Variants in VWA8 observed in about 807,000 individuals in gnomAD.
VWA8 encodes the protein von Willebrand factor A domain containing 8.
A neutral mutation model predicts 241.5 loss-of-function variants in VWA8; 221 were observed. The observed-to-expected ratio is 0.91, with a 90% CI of 0.82 to 1.02. The LOEUF (loss-of-function observed/expected upper bound fraction) is 1.02, where lower values mean the gene tolerates loss of function less well. Ranked by LOEUF, VWA8 falls within the 50% of genes least tolerant of loss-of-function variation. VWA8 has a pLI of 0.00. For missense variants in VWA8, 2,322 were observed against 2,328.7 expected, an observed-to-expected ratio of 1.00 and a Z score of 0.06; for synonymous variants, 852 against 827.1, an observed-to-expected ratio of 1.03 and a Z score of -0.52.
Position 41,778,032 on chromosome 13 carries a change from G to A in VWA8, c.2302C>T (p.Leu768=). ...IQHVIVMEDM[L]KDFLLGEHLL... is the part of the protein sequence containing the mutation. ...TGTTCTCCAAGGAGAAAGTCTTTCA[G>A]CATATCTTCCATCACTATCACATGC... The change falls in exon 20 of 45, where the codon CTG becomes TTG. Residue 768 remains leucine, a synonymous_variant. Coordinates refer to ENST00000379310, the MANE Select transcript of VWA8 (RefSeq NM_015058.2). 3 of 1,611,810 alleles carry A rather than the reference G, an allele frequency of 1.9e-6. No individual in the cohort carries two copies. Among genetic ancestry groups the A allele is most frequent in the Non-Finnish European group, 2.5e-6 (3 of 1,179,192 alleles).
At chr13:41,808,405 G>C (rs769944860) in intron 17 of VWA8, among the ~76,000 whole-genome samples, 45 of 152,234 alleles carry the variant, frequency 3.0e-4, no homozygotes, top group Middle Eastern at 3.4e-3. Context: ...TTAAAATCAT[G>C]GCAGAAGGCA....
At chr13:41,829,797 G>A (rs182209626) in intron 14 of VWA8, among the ~76,000 whole-genome samples, 87 of 152,158 alleles carry the variant, frequency 5.7e-4, no homozygotes, top group Non-Finnish European at 9.9e-4. Context: ...GGAAGCTTGT[G>A]GGGGGCGGTG....
At chr13:41,854,022 A>T (rs1007377436) in intron 12 of VWA8, among the ~76,000 whole-genome samples, 1 of 152,210 alleles carries the variant, frequency 6.6e-6, no homozygotes, top group Non-Finnish European at 1.5e-5. Flanking sequence ...TTCAATTGAT[A>T]GAATCTTAAC....
intron 2 of VWA8, among the ~76,000 whole-genome samples, chr13:41,927,657 AATC>A (rs1876915447): frequency 6.6e-6 from 1 of 152,236 alleles, no homozygotes; most frequent in Non-Finnish European, 1.5e-5. Flanking sequence ...TGTTATAGAA[AATC>A]ATCAAATCAC....
chr13:41,730,866 T>TA (rs2045477471), intron 22 of VWA8, among the ~76,000 whole-genome samples: 1 of 151,876 alleles, frequency 6.6e-6, no homozygotes, highest in African/African-American at 2.4e-5. Context: ...ACCATATTTT[T>TA]AAAAAACTTA....
rs1033829254 is a variant in VWA8 at position 41,883,400 on chromosome 13, T to C, written c.1067A>G (p.Glu356Gly). 6.2e-7 allele frequency: 1 copy of C among 1,612,302 alleles called. No individual in the cohort carries two copies. Among genetic ancestry groups the C allele is most frequent in the East Asian group, 2.2e-5 (1 of 44,834 alleles). Residue 356 changes from glutamate (E) to glycine (G), a missense_variant, in exon 9 of 45, where the codon GAA becomes GGA. Transcript: ENST00000379310. ...GCAGACACTCACCTTTAAAACACCT[T>C]CCACAGCCATCTTCCCTTCATGACC... is the stretch of plus-strand genomic sequence containing the variant. ...LLGHEGKMAV[E>G]GVLKRFELQD...
At chr13:41,670,806 T>C in intron 37 of VWA8, 140 bp downstream of exon 37, 1 of 957,708 alleles carries the variant, frequency 1.0e-6, no homozygotes, top group Non-Finnish European at 1.5e-6. Context: ...GTCTTTTTAT[T>C]TTGTATCTAA....
rs1409082302 is a variant in VWA8 at position 41,567,459 on chromosome 13, G to GAAAC, written c.*734_*737dup. The GAAAC allele has an allele frequency of 6.6e-6, 1 of 152,184 alleles. No individual in the cohort carries two copies. The highest frequency in any genetic ancestry group is 1.9e-4 in the East Asian group (1 of 5,194). 9.4% of individuals were successfully genotyped at this position (152,184 alleles called of 1,614,324 possible). On this transcript the variant is annotated 3_prime_UTR_variant, in exon 45 of 45. Transcript: ENST00000379310. ...TTTGAGAGATGCTAGAAGAACAGAA[G>GAAAC]AAACAGTAAACTTTTAAGGCAAGAC... is the stretch of plus-strand genomic sequence containing the variant.
intron 42 of VWA8, among the ~76,000 whole-genome samples, chr13:41,586,963 G>A (rs539708505): frequency 6.6e-6 from 1 of 152,274 alleles, no homozygotes; most frequent in South Asian, 2.1e-4. Flanking sequence ...GCAGCATTGG[G>A]GGTCCCTTCA....
rs139625007 is a variant in VWA8, at chr13:41,747,300, A to G, written c.2426+13828T>C. Among the ~76,000 whole-genome samples the G allele has an allele frequency of 5.7e-3, 875 of 152,240 alleles. 3 individuals are homozygous for G. Among genetic ancestry groups the G allele is most frequent in the Admixed American group, 8.6e-3 (132 of 15,288 alleles). ...GAGCAGTGGTTTGTCGTTCTCCTTG[A>G]AGAGGTCCTTCACATCCCTTGTAAG... On this transcript the variant is annotated intron_variant, in intron 21 of 44. Transcript: ENST00000379310.
At chr13:41,755,561 C>T (rs1439429648) in intron 21 of VWA8, among the ~76,000 whole-genome samples, 1 of 151,734 alleles carries the variant, frequency 6.6e-6, no homozygotes, top group Non-Finnish European at 1.5e-5. Flanking sequence ...TATCTAGCCA[C>T]TTTCAGAATT....
intron 37 of VWA8, among the ~76,000 whole-genome samples, chr13:41,661,637 GTT>G (rs1253328457): frequency 6.6e-6 from 1 of 152,048 alleles, no homozygotes; most frequent in Non-Finnish European, 1.5e-5. Flanking sequence ...GACCTTAGAA[GTT>G]TTAAAGTATT....
chr13:41,810,632 G>T (rs1319341747), intron 17 of VWA8, among the ~76,000 whole-genome samples: 1 of 152,090 alleles, frequency 6.6e-6, no homozygotes, highest in Non-Finnish European at 1.5e-5. Flanking sequence ...GGGAAGGGTA[G>T]TGAGAATTGG....
At chr13:41,569,499 G>A (rs184162838) in intron 44 of VWA8, among the ~76,000 whole-genome samples, 1 of 152,100 alleles carries the variant, frequency 6.6e-6, no homozygotes, top group Non-Finnish European at 1.5e-5. Flanking sequence ...TCTCAACCTC[G>A]CTCTGCAACC....
At chr13:41,934,547 C>G (rs1334997093) in intron 2 of VWA8, among the ~76,000 whole-genome samples, 1 of 152,042 alleles carries the variant, frequency 6.6e-6, no homozygotes, top group Non-Finnish European at 1.5e-5. Context: ...ACCCAAATGT[C>G]TACCAACATG....
At chr13:41,748,742 G>A (rs1311065077) in intron 21 of VWA8, among the ~76,000 whole-genome samples, 2 of 152,136 alleles carry the variant, frequency 1.3e-5, no homozygotes, top group African/African-American at 2.4e-5. Context: ...AAACCTGACA[G>A]AAACAAGAAA....
chr13:41,816,231 T>C (rs1038907561), intron 16 of VWA8, among the ~76,000 whole-genome samples: 2 of 152,200 alleles, frequency 1.3e-5, no homozygotes, highest in African/African-American at 4.8e-5. Context: ...ACTGTTCCCG[T>C]TCCCATTTTA....
intron 2 of VWA8, among the ~76,000 whole-genome samples, chr13:41,947,147 C>A (rs1027367295): frequency 1.3e-5 from 2 of 152,190 alleles, no homozygotes; most frequent in African/African-American, 4.8e-5. Context: ...GGGGTTGAGC[C>A]CAGTCTTTCT....
rs184296264 is a variant in VWA8, at chr13:41,729,366, G to C, written c.2638+176C>G. On this transcript the variant is annotated intron_variant, in intron 23 of 44. Transcript: ENST00000379310. Reference sequence around the variant, plus strand: ...ATGCTTGGTGGGTAAAAGTAAAACTGACAAAGCTAGATTCAGATGTATTAA... The same window carrying C: ...ATGCTTGGTGGGTAAAAGTAAAACTCACAAAGCTAGATTCAGATGTATTAA... Among the ~76,000 whole-genome samples, 189 of 152,102 alleles carry C rather than the reference G, an allele frequency of 1.2e-3. No individual in the cohort carries two copies. The highest frequency in any genetic ancestry group is 4.4e-3 in the African/African-American group (184 of 41,522).
Sources: allele counts gnomAD v4.1 joint callset (sites outside exome capture counted in the v4.1 genomes callset), GRCh38; gene constraint gnomAD v4.1.1; transcripts MANE v1.5; gene names NCBI Gene and HGNC (gene_info 2026-07-23, HGNC 2026-07-21).